The following STK3 variants were observed in gnomAD, a reference collection of about 807,000 sequenced individuals.
The protein encoded by STK3 is serine/threonine-protein kinase 3.
STK3 carries 41 observed loss-of-function variants against 58.0 expected under a neutral mutation model. That is an observed-to-expected ratio of 0.71 (90% CI 0.55 to 0.92). STK3 has a LOEUF of 0.92. Ranked by LOEUF, STK3 falls within the 40% of genes least tolerant of loss-of-function variation. The pLI, the probability that STK3 is intolerant of heterozygous loss-of-function variation, is 0.00. For missense variants in STK3, 479 were observed against 602.7 expected (o/e 0.79, Z 2.15); for synonymous variants, 170 against 191.0 (o/e 0.89, Z 0.91).
intron 6 of STK3, among the ~76,000 whole-genome samples, chr8:98,658,376 C>A (rs1821707503): frequency 6.6e-6 from 1 of 151,978 alleles, no homozygotes; most frequent in Non-Finnish European, 1.5e-5. Flanking sequence ...GTCATGCTTG[C>A]AATAACCCTA....
chr8:98,824,548 T>C (rs1488745006), intron 1 of STK3, among the ~76,000 whole-genome samples: 1 of 152,218 alleles, frequency 6.6e-6, no homozygotes, highest in African/African-American at 2.4e-5. Context: ...AAAGAATCTA[T>C]CAATTGACTT....
intron 1 of STK3, among the ~76,000 whole-genome samples, chr8:98,897,010 GAAAAGA>G (rs967326375): frequency 5.0e-5 from 7 of 139,200 alleles, no homozygotes; most frequent in Non-Finnish European, 9.7e-5. Context: ...AAAAATAAAA[GAAAAGA>G]AAGAGAAAGA....
intron 3 of STK3, among the ~76,000 whole-genome samples, chr8:98,757,835 G>C (rs1480861879): frequency 6.6e-6 from 1 of 152,100 alleles, no homozygotes; most frequent in Non-Finnish European, 1.5e-5. Context: ...CCAGGCAATG[G>C]GGAACCCCTG....
intron 1 of STK3, among the ~76,000 whole-genome samples, chr8:98,908,583 C>T (rs775834788): frequency 2.0e-5 from 3 of 152,082 alleles, no homozygotes; most frequent in South Asian, 2.1e-4. Flanking sequence ...TGGTGGTTCA[C>T]GCCTGTAGTC....
intron 3 of STK3, among the ~76,000 whole-genome samples, chr8:98,411,495 T>A (rs1442774111): frequency 2.6e-5 from 4 of 152,220 alleles, no homozygotes; most frequent in Admixed American, 6.5e-5. Flanking sequence ...CCTTGGGGAT[T>A]TAAGGCGGTG....
At chr8:98,363,673 G>A in the STK3 span, among the ~76,000 whole-genome samples, 2 of 152,250 alleles carry the variant, frequency 1.3e-5, no homozygotes, top group Admixed American at 6.5e-5. Context: ...GGTTAGCCAT[G>A]GTACTGCTTG....
chr8:98,435,135 G>A (rs1201240654), intron 2 of STK3, among the ~76,000 whole-genome samples: 6 of 152,200 alleles, frequency 3.9e-5, no homozygotes, highest in Non-Finnish European at 7.3e-5. Context: ...ATGAGGACAC[G>A]AGGAAAGAGG....
chr8:98,725,144 TACAC>T (rs1361733174), intron 4 of STK3, among the ~76,000 whole-genome samples: 1 of 152,146 alleles, frequency 6.6e-6, no homozygotes, highest in East Asian at 1.9e-4. Flanking sequence ...TACATTCTGT[TACAC>T]ACACATAAGA....
intron 10 of STK3, among the ~76,000 whole-genome samples, chr8:98,477,721 C>CG (rs1430631371): frequency 0.012 from 99 of 8,292 alleles, 2 homozygotes; most frequent in African/African-American, 0.025. Context: ...GGGGGGTGGG[C>CG]GGGGGGGGGC....
At chr8:98,451,039 A>G (rs1819175396), downstream of STK3, among the ~76,000 whole-genome samples, 1 of 152,042 alleles carries the variant, frequency 6.6e-6, no homozygotes, top group African/African-American at 2.4e-5. Context: ...TTTCTTTTTC[A>G]CCAAAGGGAA....
At chr8:98,704,697 T>C (rs1825851161) in intron 6 of STK3, among the ~76,000 whole-genome samples, 1 of 152,178 alleles carries the variant, frequency 6.6e-6, no homozygotes, top group Non-Finnish European at 1.5e-5. Context: ...TCTCAGGTAA[T>C]ATTAGAAGAT....
At chr8:98,735,086 C>A (rs1166310552) in intron 4 of STK3, among the ~76,000 whole-genome samples, 1 of 152,008 alleles carries the variant, frequency 6.6e-6, no homozygotes, top group Non-Finnish European at 1.5e-5. Flanking sequence ...TTCAGCAATC[C>A]ACATTATTAA....
At chr8:98,427,791 G>A (rs1298148575) in intron 3 of STK3, 3 of 579,576 alleles carry the variant, frequency 5.2e-6, no homozygotes, top group Admixed American at 3.1e-5. Context: ...CCTGGGAGGG[G>A]ATCAGACCCC....
chr8:98,892,343 T>C (rs1201977858), intron 1 of STK3, among the ~76,000 whole-genome samples: 1 of 152,178 alleles, frequency 6.6e-6, no homozygotes, highest in Admixed American at 6.5e-5. Flanking sequence ...TGCCTCCAAT[T>C]TGTTCTCCAC....
rs560873214 is a variant in STK3 at position 98,872,054 on chromosome 8, G to A, written c.110+11593C>T. The stretch of plus-strand genomic sequence containing the variant: ...TTTATTGAGAGTTTTTAGCATGAAG[G>A]GCTGTTGAATTTTTTCAAAGGCCTT... On this transcript the variant is annotated intron_variant, in intron 3 of 12. Coordinates refer to the STK3 transcript ENST00000523601. Among the ~76,000 whole-genome samples the A allele has an allele frequency of 5.3e-5, 8 of 152,192 alleles. No homozygotes were observed. The South Asian group carries it at 1.5e-3, about 28-fold the overall frequency.
chr8:98,897,549 C>T (rs1838501731), intron 1 of STK3, among the ~76,000 whole-genome samples: 1 of 152,002 alleles, frequency 6.6e-6, no homozygotes. Flanking sequence ...GAGCCGAGAT[C>T]GTGCCACTGG....
chr8:98,356,990 C>A, the STK3 span, among the ~76,000 whole-genome samples: 1 of 152,174 alleles, frequency 6.6e-6, no homozygotes, highest in Non-Finnish European at 1.5e-5. Context: ...ACATATAAGA[C>A]CTCCTAAATT....
chr8:98,941,177 T>C, intron 1 of STK3, among the ~76,000 whole-genome samples: 1 of 152,230 alleles, frequency 6.6e-6, no homozygotes, highest in East Asian at 1.9e-4. Context: ...GGCTGCGCTT[T>C]CCCACCTCAG....
chr8:98,643,646 T>C (rs1820189190), intron 6 of STK3, among the ~76,000 whole-genome samples: 1 of 152,216 alleles, frequency 6.6e-6, no homozygotes, highest in African/African-American at 2.4e-5. Flanking sequence ...GGAATTTTTG[T>C]TTTACTCAAG....
Sources: allele counts gnomAD v4.1 joint callset (sites outside exome capture counted in the v4.1 genomes callset), GRCh38; gene constraint gnomAD v4.1.1; transcripts MANE v1.5; gene names NCBI Gene and HGNC (gene_info 2026-07-23, HGNC 2026-07-21).